The following MTUS1 variants were observed in gnomAD, a reference collection of about 807,000 sequenced individuals.
MTUS1 encodes the protein microtubule-associated tumor suppressor 1.
A neutral mutation model predicts 120.8 loss-of-function variants in MTUS1; 109 were observed. The observed-to-expected ratio is 0.90, with a 90% CI of 0.77 to 1.06. The LOEUF is 1.06. MTUS1 is among the 50% of genes least tolerant of loss of function. The probability of loss-of-function intolerance (pLI) is 0.00; values close to 1 mark genes in which losing one functional copy is unlikely to be tolerated. For missense variants in MTUS1, 2,210 were observed against 1,486.3 expected (o/e 1.49, Z -8.01); for synonymous variants, 737 against 550.5 (o/e 1.34, Z -4.74).
At chr8:17,723,416 A>G (rs1417834860) in intron 4 of MTUS1, 2 of 513,644 alleles carry the variant, frequency 3.9e-6, no homozygotes, top group Admixed American at 3.1e-5. Flanking sequence ...CTACTCTTAA[A>G]CCTCCAAAAC....
At chr8:17,718,515 T>A (rs1687647505) in intron 4 of MTUS1, among the ~76,000 whole-genome samples, 1 of 152,046 alleles carries the variant, frequency 6.6e-6, no homozygotes. Context: ...CCTTCACAAC[T>A]CACTGTGGTA....
chr8:17,680,484 A>G (rs998838112), intron 7 of MTUS1, among the ~76,000 whole-genome samples: 53 of 149,176 alleles, frequency 3.6e-4, no homozygotes, highest in African/African-American at 1.2e-3. Flanking sequence ...AAAAAAAAAA[A>G]AAAAAAAAAA....
intron 1 of MTUS1, among the ~76,000 whole-genome samples, chr8:17,778,246 T>C (rs922428322): frequency 7.2e-5 from 11 of 152,012 alleles, no homozygotes; most frequent in Admixed American, 6.6e-5. Flanking sequence ...CTCAAACACA[T>C]ACGCTAAGCA....
intron 12 of MTUS1, among the ~76,000 whole-genome samples, 157 bp from the exon 13 acceptor site, chr8:17,650,119 C>T (rs1440639624): frequency 5.9e-5 from 9 of 152,174 alleles, no homozygotes; most frequent in Admixed American, 2.6e-4. Context: ...AACAAGAGCA[C>T]CTTAATGTCG....
chr8:17,678,926 C>A (rs1454555173), intron 7 of MTUS1, among the ~76,000 whole-genome samples: 1 of 152,086 alleles, frequency 6.6e-6, no homozygotes, highest in Admixed American at 6.5e-5. Flanking sequence ...TACCGTCTAA[C>A]TAAGCAAGGA....
intron 6 of MTUS1, among the ~76,000 whole-genome samples, chr8:17,699,841 C>T (rs1818690415): frequency 6.6e-6 from 1 of 152,184 alleles, no homozygotes; most frequent in Non-Finnish European, 1.5e-5. Flanking sequence ...CTCTCTTACA[C>T]ACTTTACGTT....
intron 1 of MTUS1, among the ~76,000 whole-genome samples, chr8:17,757,914 A>G (rs893716189): frequency 2.6e-5 from 4 of 152,206 alleles, no homozygotes; most frequent in Non-Finnish European, 4.4e-5. Flanking sequence ...TAGGACTGCA[A>G]ACAGGTCATT....
chr8:17,739,645 A>C (rs1490571528), intron 3 of MTUS1, among the ~76,000 whole-genome samples: 1 of 152,182 alleles, frequency 6.6e-6, no homozygotes, highest in Non-Finnish European at 1.5e-5. Context: ...ACATTGGACA[A>C]ATTATTTAAC....
At chr8:17,670,160 C>A (rs1811722781) in intron 8 of MTUS1, among the ~76,000 whole-genome samples, 1 of 152,162 alleles carries the variant, frequency 6.6e-6, no homozygotes, top group Non-Finnish European at 1.5e-5. Flanking sequence ...AGCTGAGGAA[C>A]AGGGGTGAAT....
At chr8:17,696,257 A>G (rs940416444) in intron 6 of MTUS1, among the ~76,000 whole-genome samples, 11 of 152,124 alleles carry the variant, frequency 7.2e-5, no homozygotes, top group African/African-American at 2.4e-4. Context: ...CACGAGAGAG[A>G]GGTGCTGGAA....
intron 2 of MTUS1, among the ~76,000 whole-genome samples, chr8:17,748,403 TG>T (rs1162327680): frequency 1.3e-5 from 2 of 152,168 alleles, no homozygotes; most frequent in Non-Finnish European, 2.9e-5. Flanking sequence ...CAATTCTTCT[TG>T]GACAGTGGAC....
chr8:17,686,562 T>C (rs1815850173), intron 6 of MTUS1, among the ~76,000 whole-genome samples: 1 of 152,214 alleles, frequency 6.6e-6, no homozygotes, highest in South Asian at 2.1e-4. Flanking sequence ...AACTCCTTTA[T>C]CATTTCCTGA....
At chr8:17,687,474 C>T (rs935094117) in intron 6 of MTUS1, among the ~76,000 whole-genome samples, 1 of 152,142 alleles carries the variant, frequency 6.6e-6, no homozygotes, top group African/African-American at 2.4e-5. Context: ...CCAAACTTTG[C>T]CCTTACCCTT....
intron 2 of MTUS1, among the ~76,000 whole-genome samples, chr8:17,753,516 A>AT (rs957881752): frequency 5.3e-5 from 8 of 151,676 alleles, no homozygotes; most frequent in Non-Finnish European, 7.4e-5. Context: ...GAAATTGAGG[A>AT]TTTTTTTTTC....
intron 1 of MTUS1, among the ~76,000 whole-genome samples, chr8:17,789,921 C>CGTCT: frequency 6.6e-6 from 1 of 152,272 alleles, no homozygotes; most frequent in South Asian, 2.1e-4. Context: ...TGAGGGCATT[C>CGTCT]GTCTCTTCCC....
At position 17,653,107 on chromosome 8, in the gene MTUS1, G is replaced by A. The variant is rs537786462; in HGVS notation, c.3384+79C>T. ...ATTCCCAACCTGTGTTATTTCTCTG[G>A]CTGCTGAGTACTTGAATGACTCTAA... On this transcript the variant is annotated intron_variant, in intron 12 of 14. Coordinates refer to ENST00000693296, the MANE Select transcript of MTUS1 (RefSeq NM_001363059.2). 5 of 760,572 alleles carry A rather than the reference G, an allele frequency of 6.6e-6. No homozygotes were observed. In the African/African-American group the frequency reaches 7.4e-5, roughly 11 times the overall value. 47.1% of individuals were successfully genotyped at this position (760,572 alleles called of 1,614,324 possible). A position where few individuals can be genotyped will look rare whatever the true frequency, so the allele number is the denominator to read the frequency against.
intron 4 of MTUS1, among the ~76,000 whole-genome samples, chr8:17,717,736 G>T (rs1360226970): frequency 6.6e-6 from 1 of 152,064 alleles, no homozygotes; most frequent in South Asian, 2.1e-4. Context: ...GTACTCCTGT[G>T]TCCCTTGCCT....
At chr8:17,747,628 T>C (rs1235666619) in intron 2 of MTUS1, among the ~76,000 whole-genome samples, 2 of 152,164 alleles carry the variant, frequency 1.3e-5, no homozygotes, top group Admixed American at 6.5e-5. Flanking sequence ...TTTTTACCAA[T>C]TGAAAGTTGC....
At chr8:17,784,946 G>A (rs548560474) in intron 1 of MTUS1, among the ~76,000 whole-genome samples, 52 of 151,892 alleles carry the variant, frequency 3.4e-4, no homozygotes, top group East Asian at 3.9e-4. Context: ...CACCATGTCC[G>A]GCTAATTTTT....
Sources: allele counts gnomAD v4.1 joint callset (sites outside exome capture counted in the v4.1 genomes callset), GRCh38; gene constraint gnomAD v4.1.1; transcripts MANE v1.5; gene names NCBI Gene and HGNC (gene_info 2026-07-23, HGNC 2026-07-21).